Variants in PIK3C2A observed in about 807,000 individuals in gnomAD.
PIK3C2A encodes phosphatidylinositol 4-phosphate 3-kinase C2 domain-containing subunit alpha.
A neutral mutation model predicts 204.5 loss-of-function variants in PIK3C2A; 97 were observed. That is an observed-to-expected ratio of 0.47 (90% CI 0.40 to 0.56). The LOEUF (loss-of-function observed/expected upper bound fraction) is 0.56, where lower values mean the gene tolerates loss of function less well. PIK3C2A is among the 20% of genes least tolerant of loss of function. The probability of loss-of-function intolerance (pLI) is 0.00; values close to 1 mark genes in which losing one functional copy is unlikely to be tolerated. For missense variants in PIK3C2A, 1,735 were observed against 1,969.2 expected (o/e 0.88, Z 2.25); for synonymous variants, 653 against 664.4 (o/e 0.98, Z 0.26).
At chr11:17,146,070 T>G in intron 6 of PIK3C2A, 128 bp from the exon 7 acceptor site, 1 of 601,854 alleles carries the variant, frequency 1.7e-6, no homozygotes, top group Non-Finnish European at 2.8e-6. Context: ...GAAAATAAAA[T>G]TCTATCAGAA....
intron 2 of PIK3C2A, among the ~76,000 whole-genome samples, chr11:17,156,094 ATAAACT>A (rs1430269485): frequency 1.3e-5 from 2 of 152,170 alleles, no homozygotes; most frequent in Non-Finnish European, 2.9e-5. Flanking sequence ...TTCTAGGTTA[ATAAACT>A]TATACTAACA....
rs777006037 is a variant in PIK3C2A at position 17,168,803 on chromosome 11, C to T, written c.939G>A (p.Ser313=). 6 of 1,613,956 alleles carry T rather than the reference C, an allele frequency of 3.7e-6. No individual in the cohort carries two copies. The highest frequency in any genetic ancestry group is 2.2e-5 in the East Asian group (1 of 44,870). ...TTCTTTCAAGATGACAATTTGCTGT[C>T]GATCTCTCTTCAAGAAGAACAGCAT... ...PWDAVLLEER[S]TANCHLERKV... is the part of the protein sequence containing the mutation. Residue 313 remains serine (S), a synonymous_variant, in exon 2 of 33, where the codon TCG becomes TCA. Coordinates refer to ENST00000691414, the MANE Select transcript of PIK3C2A (RefSeq NM_002645.4).
intron 25 of PIK3C2A, among the ~76,000 whole-genome samples, chr11:17,100,871 C>T (rs749939738): frequency 2.0e-5 from 3 of 152,114 alleles, no homozygotes; most frequent in East Asian, 1.9e-4. Context: ...ATAGTGGGTT[C>T]GTGTTTTTTA....
At chr11:17,176,558 G>C (rs1488964366) in intron 1 of PIK3C2A, among the ~76,000 whole-genome samples, 1 of 152,062 alleles carries the variant, frequency 6.6e-6, no homozygotes, top group Non-Finnish European at 1.5e-5. Flanking sequence ...AGAGGCCAAG[G>C]CAGGAGCATC....
chr11:17,135,160 C>T lies in PIK3C2A; in HGVS notation c.1849-1G>A, dbSNP rs1849830096. The T allele has an allele frequency of 6.2e-7, 1 of 1,613,652 alleles. No individual in the cohort carries two copies. The highest frequency in any genetic ancestry group is 1.7e-5 in the Admixed American group (1 of 59,992). Reference sequence around the variant, plus strand: ...CTTCTCCTCCAAACAAAGAAGTCACCTACACATGCACACACACACACAATA... The same window carrying T: ...CTTCTCCTCCAAACAAAGAAGTCACTTACACATGCACACACACACACAATA... On this transcript the variant is annotated splice_acceptor_variant, in intron 9 of 32. Transcript: ENST00000691414. LOFTEE classifies it high-confidence loss of function.
chr11:17,140,663 T>C (rs778390772), intron 8 of PIK3C2A, among the ~76,000 whole-genome samples: 3 of 152,174 alleles, frequency 2.0e-5, no homozygotes, highest in Non-Finnish European at 4.4e-5. Context: ...GGAGTGAGGA[T>C]TGACTGCAAA....
intron 1 of PIK3C2A, among the ~76,000 whole-genome samples, chr11:17,183,529 A>G (rs1851640066): frequency 6.6e-6 from 1 of 152,024 alleles, no homozygotes; most frequent in South Asian, 2.1e-4. Flanking sequence ...TACAAAAATT[A>G]GCCGGGCGTG....
intron 13 of PIK3C2A, among the ~76,000 whole-genome samples, chr11:17,125,336 G>C (rs1265002443): frequency 2.0e-5 from 3 of 152,110 alleles, no homozygotes; most frequent in African/African-American, 7.2e-5. Flanking sequence ...AGAATCTAGG[G>C]ATGCCGCTAA....
intron 22 of PIK3C2A, among the ~76,000 whole-genome samples, chr11:17,109,942 G>T (rs1409982360): frequency 6.6e-6 from 1 of 152,052 alleles, no homozygotes; most frequent in African/African-American, 2.4e-5. Context: ...GCTACACTAG[G>T]TTAAAAAAAT....
chr11:17,193,952 G>T, intron 1 of PIK3C2A: 1 of 329,528 alleles, frequency 3.0e-6, no homozygotes, highest in Non-Finnish European at 5.5e-6. Context: ...TCTCTCAAGG[G>T]GGTGGACCCC....
In PIK3C2A at chr11:17,102,588, C is replaced by T. The variant is rs989486296; in HGVS notation, c.3851+74G>A. 208 of 1,282,698 alleles carry T rather than the reference C, an allele frequency of 1.6e-4. 1 individual carries two copies. The highest frequency in any genetic ancestry group is 4.9e-4 in the South Asian group (34 of 69,454). The allele number at this position is 1,282,698 out of a possible 1,614,324, so 79.5% of individuals were successfully genotyped here. On this transcript the variant is annotated intron_variant, in intron 24 of 32. Transcript: ENST00000691414. ...TCAAATGGAGCCGCGAGGCAAAACA[C>T]AAAGCTTGAGACAAACTTTAATTTG...
At chr11:17,112,501 G>C in intron 21 of PIK3C2A, 73 bp downstream of exon 21, 2 of 676,824 alleles carry the variant, frequency 3.0e-6, no homozygotes, top group East Asian at 5.7e-5. Context: ...AATCACCTTT[G>C]CAATTTTGGG....
intron 1 of PIK3C2A, among the ~76,000 whole-genome samples, chr11:17,178,673 G>A (rs7108067): frequency 0.24 from 35,462 of 149,704 alleles, 5,242 homozygotes; most frequent in East Asian, 0.38. Context: ...AGAGTAGCTG[G>A]GATTACAGGC....
intron 28 of PIK3C2A, among the ~76,000 whole-genome samples, chr11:17,093,442 A>G (rs1427148546): frequency 6.6e-6 from 1 of 150,846 alleles, no homozygotes; most frequent in Non-Finnish European, 1.5e-5. Flanking sequence ...AATTTTTTGT[A>G]TTTTTTAGAA....
chr11:17,168,568 G>T, intron 2 of PIK3C2A, 109 bp downstream of exon 2: 2 of 787,826 alleles, frequency 2.5e-6, no homozygotes, highest in Non-Finnish European at 4.1e-6. Context: ...GCGACAGAGC[G>T]AGACTCCTTC....
At chr11:17,146,469 T>G (rs1437112205) in intron 6 of PIK3C2A, among the ~76,000 whole-genome samples, 1 of 151,994 alleles carries the variant, frequency 6.6e-6, no homozygotes, top group African/African-American at 2.4e-5. Context: ...TCCCAGCACT[T>G]TGGGAGACCA....
intron 8 of PIK3C2A, among the ~76,000 whole-genome samples, chr11:17,142,633 A>G (rs1003140965): frequency 2.6e-5 from 4 of 151,862 alleles, no homozygotes; most frequent in African/African-American, 9.7e-5. Flanking sequence ...CAGACAACAC[A>G]GAGAAATCTG....
At chr11:17,196,372 A>G (rs1346890174) in intron 1 of PIK3C2A, among the ~76,000 whole-genome samples, 1 of 152,228 alleles carries the variant, frequency 6.6e-6, no homozygotes, top group African/African-American at 2.4e-5. Context: ...ATAACAAACA[A>G]AAATGGAAAC....
At chr11:17,179,422 A>T (rs1448093667) in intron 1 of PIK3C2A, among the ~76,000 whole-genome samples, 1 of 151,956 alleles carries the variant, frequency 6.6e-6, no homozygotes, top group Non-Finnish European at 1.5e-5. Flanking sequence ...TGAGCCTCCC[A>T]AAGCACTGGG....
Sources: allele counts gnomAD v4.1 joint callset (sites outside exome capture counted in the v4.1 genomes callset), GRCh38; gene constraint gnomAD v4.1.1; transcripts MANE v1.5; gene names NCBI Gene and HGNC (gene_info 2026-07-23, HGNC 2026-07-21).